The following COL9A1 variants were observed in gnomAD, a reference collection of about 807,000 sequenced individuals.
The protein encoded by COL9A1 is collagen alpha-1(IX) chain.
A neutral mutation model predicts 142.6 loss-of-function variants in COL9A1; 104 were observed. The observed-to-expected ratio is 0.73, with a 90% CI of 0.62 to 0.86. The LOEUF is 0.86. COL9A1 is among the 40% of genes least tolerant of loss of function. The probability of loss-of-function intolerance (pLI) is 0.00; values close to 1 mark genes in which losing one functional copy is unlikely to be tolerated. For synonymous variants in COL9A1, 466 were observed against 396.0 expected (o/e 1.18, Z -2.10); for missense variants, 1,210 against 1,176.6 (o/e 1.03, Z -0.42).
At chr6:70,298,975 T>C (rs1358169668) in intron 4 of COL9A1, among the ~76,000 whole-genome samples, 2 of 152,096 alleles carry the variant, frequency 1.3e-5, no homozygotes, top group Non-Finnish European at 2.9e-5. Flanking sequence ...CCCACTCACC[T>C]TATGCAAGTA....
At chr6:70,293,684 T>A (rs1425801357) in intron 5 of COL9A1, among the ~76,000 whole-genome samples, 2 of 149,684 alleles carry the variant, frequency 1.3e-5, no homozygotes, top group Non-Finnish European at 3.0e-5. Context: ...CATTTTCATA[T>A]ACATATATCA....
intron 31 of COL9A1, 33 bp downstream of exon 31, chr6:70,241,386 T>G: frequency 6.3e-7 from 1 of 1,581,142 alleles, no homozygotes; most frequent in East Asian, 2.2e-5. Flanking sequence ...TATCAAACAT[T>G]GCATTTTATA....
At chr6:70,267,373 A>T (rs1772094206) in intron 17 of COL9A1, among the ~76,000 whole-genome samples, 1 of 131,332 alleles carries the variant, frequency 7.6e-6, no homozygotes. Flanking sequence ...CTCAGGCTGG[A>T]GTGCAATGGC....
intron 6 of COL9A1, chr6:70,283,388 G>A (rs113289723): frequency 3.3e-4 from 257 of 767,620 alleles, no homozygotes; most frequent in African/African-American, 3.3e-3. Flanking sequence ...GCTTCTGGCT[G>A]TCCTCGGAGA....
chr6:70,280,162 A>C (rs1248386792), intron 10 of COL9A1: 1 of 588,056 alleles, frequency 1.7e-6, no homozygotes, highest in African/African-American at 1.9e-5. Context: ...AAACTGGAGA[A>C]AGCCTGCTGG....
intron 10 of COL9A1, among the ~76,000 whole-genome samples, chr6:70,279,247 G>A (rs1398953828): frequency 1.3e-5 from 2 of 152,070 alleles, no homozygotes; most frequent in Admixed American, 6.5e-5. Flanking sequence ...TGACAATTTC[G>A]ATTAATTATA....
chr6:70,299,072 T>A (rs1023647233), intron 4 of COL9A1, among the ~76,000 whole-genome samples: 1 of 152,152 alleles, frequency 6.6e-6, no homozygotes. Flanking sequence ...ATGAAATTAA[T>A]GTTAATTAGT....
At chr6:70,239,393 C>G in intron 32 of COL9A1, 107 bp from the exon 33 acceptor site, 2 of 798,234 alleles carry the variant, frequency 2.5e-6, no homozygotes, top group South Asian at 3.0e-5. Context: ...AAACCATGAA[C>G]AGATTAACTC....
rs145221543 is a variant in COL9A1 at position 70,216,926 on chromosome 6, G to T, written c.2737C>A (p.Arg913=). Residue 913 remains arginine, a synonymous_variant, in exon 38 of 38, where the codon CGA becomes AGA. Coordinates refer to ENST00000357250, the MANE Select transcript of COL9A1 (RefSeq NM_001851.6). Reference sequence around the variant, plus strand: ...GGGTCAGGCCCTTTGTTAAATGCTCGCTGACCAGCCTGCATGGTGCAGGAG... The same window carrying T: ...GGGTCAGGCCCTTTGTTAAATGCTCTCTGACCAGCCTGCATGGTGCAGGAG... ...PASCTMQAGQ[R]AFNKGPDP The T allele has an allele frequency of 6.2e-7, 1 of 1,614,064 alleles. No homozygotes were observed. The highest frequency in any genetic ancestry group is 8.5e-7 in the Non-Finnish European group (1 of 1,180,026).
intron 20 of COL9A1, chr6:70,258,824 G>A (rs183665102): frequency 6.6e-6 from 1 of 152,026 alleles, no homozygotes; most frequent in East Asian, 1.9e-4. Flanking sequence ...AATACCAAAT[G>A]GAAAAATATC....
In COL9A1 at chr6:70,271,691, T is replaced by G; in HGVS notation, c.1107A>C (p.Ala369=). ...CACGGCCAAGCTCTCCAGGGAGTCC[T>G]GCTGTCCCAGGAGGACCCTGAAGTC... ...IPGPPGPPGT[A]GLPGELGRVG... The change falls in exon 14 of 38, where the codon GCA becomes GCC. Residue 369 remains alanine (A), a synonymous_variant. Coordinates refer to ENST00000357250, the MANE Select transcript of COL9A1 (RefSeq NM_001851.6). The G allele has an allele frequency of 6.2e-7, 1 of 1,613,892 alleles. No homozygotes were observed. Among genetic ancestry groups the G allele is most frequent in the Non-Finnish European group, 8.5e-7 (1 of 1,179,810 alleles).
intron 28 of COL9A1, among the ~76,000 whole-genome samples, chr6:70,248,940 T>C (rs1184139950): frequency 1.3e-5 from 2 of 152,120 alleles, no homozygotes; most frequent in African/African-American, 4.8e-5. Flanking sequence ...GCAATTAACA[T>C]TCCAATTACA....
At chr6:70,288,772 T>C (rs1398616324) in intron 5 of COL9A1, among the ~76,000 whole-genome samples, 1 of 152,094 alleles carries the variant, frequency 6.6e-6, no homozygotes, top group Non-Finnish European at 1.5e-5. Context: ...AATATTTTCT[T>C]CTCCATGAGG....
At position 70,268,791 on chromosome 6, in the gene COL9A1, G is replaced by T. The variant is rs1366463114; in HGVS notation, c.1287+13C>A. On this transcript the variant is annotated intron_variant, in intron 17 of 37. Transcript: ENST00000357250. ...GGATAATACTCTTAAAATACTGGAA[G>T]TTATTCTCTTACCCTCATGCCTGGT... The T allele has an allele frequency of 6.2e-7, 1 of 1,611,410 alleles. No individual in the cohort carries two copies. Among genetic ancestry groups the T allele is most frequent in the African/African-American group, 1.3e-5 (1 of 74,896 alleles).
chr6:70,237,402 G>A (rs1769979290), intron 33 of COL9A1, among the ~76,000 whole-genome samples: 1 of 152,224 alleles, frequency 6.6e-6, no homozygotes, highest in African/African-American at 2.4e-5. Context: ...TGTCTATGCT[G>A]AAATCAATGA....
chr6:70,264,088 C>T (rs1486082788), intron 18 of COL9A1, among the ~76,000 whole-genome samples: 3 of 151,898 alleles, frequency 2.0e-5, no homozygotes, highest in Admixed American at 6.6e-5. Flanking sequence ...TCTGCTCTAC[C>T]GATCTACTAT....
intron 19 of COL9A1, 93 bp downstream of exon 19, chr6:70,263,151 T>G: frequency 9.9e-7 from 1 of 1,011,108 alleles, no homozygotes; most frequent in Non-Finnish European, 1.5e-6. Flanking sequence ...GTAATGCTAT[T>G]CATCCAACTG....
In COL9A1 at chr6:70,261,972, A is replaced by G. The variant is rs552174505; in HGVS notation, c.1396-1262T>C. 5.2e-3 allele frequency among the ~76,000 whole-genome samples: 799 copies of G among 152,298 alleles called. 4 individuals carry two copies. The highest frequency in any genetic ancestry group is 0.018 in the African/African-American group (755 of 41,550). ...TTTGGCATACCTATTCCCAAATAGC[A>G]GGAGGTAATCAAGCACTAACGGATA... is the stretch of plus-strand genomic sequence containing the variant. On this transcript the variant is annotated intron_variant, in intron 19 of 37. Transcript: ENST00000357250.
intron 37 of COL9A1, among the ~76,000 whole-genome samples, chr6:70,223,300 C>A (rs1769003712): frequency 6.6e-6 from 1 of 152,120 alleles, no homozygotes; most frequent in South Asian, 2.1e-4. Flanking sequence ...CCTACTATAG[C>A]CAGGAACTGT....
Sources: allele counts gnomAD v4.1 joint callset (sites outside exome capture counted in the v4.1 genomes callset), GRCh38; gene constraint gnomAD v4.1.1; transcripts MANE v1.5; gene names NCBI Gene and HGNC (gene_info 2026-07-23, HGNC 2026-07-21).